ADCY2: variants seen among roughly 807,000 people sequenced by gnomAD.
The protein encoded by ADCY2 is adenylate cyclase type 2.
In ADCY2, 31 loss-of-function variants were observed where a neutral mutation model predicts 125.2. The ratio of observed to expected loss-of-function variants is 0.25; its 90% CI spans 0.19 to 0.33. ADCY2 has a LOEUF of 0.33. ADCY2 is among the 10% of genes least tolerant of loss of function. The pLI is 1.00. For missense variants in ADCY2, 904 were observed against 1,418.2 expected (o/e 0.64, Z 5.82); for synonymous variants, 512 against 548.4 (o/e 0.93, Z 0.93).
chr5:7,416,164 G>A (rs1739936588), intron 2 of ADCY2, among the ~76,000 whole-genome samples: 1 of 152,176 alleles, frequency 6.6e-6, no homozygotes, highest in Non-Finnish European at 1.5e-5. Context: ...TGGCCAGTGG[G>A]TTCTGTTGGT....
intron 14 of ADCY2, among the ~76,000 whole-genome samples, chr5:7,743,303 C>T (rs1412215433): frequency 2.6e-5 from 4 of 151,750 alleles, no homozygotes; most frequent in Non-Finnish European, 4.4e-5. Flanking sequence ...GTCCTTAAGG[C>T]GGCAGCTGCC....
chr5:7,709,462 C>A lies in ADCY2; in HGVS notation c.1578+75C>A. 6.9e-7 allele frequency: 1 copy of A among 1,442,212 alleles called. No homozygotes were observed. Among genetic ancestry groups the A allele is most frequent in the Admixed American group, 2.7e-5 (1 of 36,844 alleles). The allele number at this position is 1,442,212 out of a possible 1,614,324, so 89.3% of individuals were successfully genotyped here. A position where few individuals can be genotyped will look rare whatever the true frequency, so the allele number is the denominator to read the frequency against. On this transcript the variant is annotated intron_variant, in intron 10 of 24. Transcript: ENST00000338316. The surrounding 1 kb of genome is among the most constrained non-coding windows in gnomAD (Gnocchi z 4.4). ...TCCCAAAACCAAAGGCTGGGCATCT[C>A]CTGCCAAAATAACTCCTTTCTGTAA...
intron 4 of ADCY2, among the ~76,000 whole-genome samples, chr5:7,663,318 C>G (rs1489230702): frequency 1.3e-5 from 2 of 152,246 alleles, no homozygotes; most frequent in African/African-American, 4.8e-5. Flanking sequence ...GTGAAAAGCA[C>G]AATTCCAGGA....
At chr5:7,609,857 A>G (rs920199855) in intron 3 of ADCY2, among the ~76,000 whole-genome samples, 2 of 152,168 alleles carry the variant, frequency 1.3e-5, no homozygotes, top group Non-Finnish European at 1.5e-5. Context: ...AGCCCCTGAC[A>G]TACAAGCCAG....
intron 2 of ADCY2, among the ~76,000 whole-genome samples, chr5:7,444,878 A>G (rs1741178055): frequency 6.6e-6 from 1 of 152,136 alleles, no homozygotes; most frequent in African/African-American, 2.4e-5. Context: ...GCAGCTTTTC[A>G]TGTGTCCAAA....
chr5:7,676,177 T>C (rs1740120827), intron 4 of ADCY2, among the ~76,000 whole-genome samples: 2 of 152,228 alleles, frequency 1.3e-5, no homozygotes, highest in African/African-American at 2.4e-5. Flanking sequence ...CTGAGATTCA[T>C]CTACTGAATT....
At chr5:7,409,789 GTA>G (rs1348145591) in intron 1 of ADCY2, among the ~76,000 whole-genome samples, 6 of 152,254 alleles carry the variant, frequency 3.9e-5, no homozygotes, top group Admixed American at 1.3e-4. Context: ...TCTGCTCTTA[GTA>G]GATTAGTTTA....
At chr5:7,700,856 G>A (rs1741056292) in intron 7 of ADCY2, among the ~76,000 whole-genome samples, 1 of 151,936 alleles carries the variant, frequency 6.6e-6, no homozygotes, top group Non-Finnish European at 1.5e-5. Flanking sequence ...AAATGGGAGG[G>A]AAATGAAGTC....
chr5:7,407,586 C>A (rs1014983051), intron 1 of ADCY2, among the ~76,000 whole-genome samples: 1 of 152,080 alleles, frequency 6.6e-6, no homozygotes, highest in African/African-American at 2.4e-5. Flanking sequence ...CAAAGGGTGG[C>A]GAAAGGTGGT....
intron 2 of ADCY2, among the ~76,000 whole-genome samples, chr5:7,513,714 A>G (rs910220834): frequency 1.4e-4 from 22 of 152,324 alleles, no homozygotes; most frequent in African/African-American, 4.3e-4. Context: ...ACAATGAGAT[A>G]CAATGTATAA....
intron 17 of ADCY2, among the ~76,000 whole-genome samples, chr5:7,769,312 C>T (rs540578356): frequency 7.2e-5 from 11 of 151,858 alleles, no homozygotes; most frequent in East Asian, 1.9e-4. Context: ...TTGTAACACA[C>T]GATAAGGTTA....
At position 7,709,207 on chromosome 5, in the gene ADCY2, C is replaced by T. The variant is rs756359455; in HGVS notation, c.1402-4C>T. The T allele has an allele frequency of 1.9e-5, 31 of 1,604,884 alleles. 1 individual carries two copies. The South Asian group carries it at 3.2e-4, about 17-fold the overall frequency. On this transcript the variant is annotated splice_region_variant and splice_polypyrimidine_tract_variant and intron_variant, in intron 9 of 24. Transcript: ENST00000338316. This position sits in a 1 kb window ranked among gnomAD's most constrained non-coding sequence, Gnocchi z 4.4. ...AGGTGTGATGCTTTGTTTCTCACCC[C>T]AAGGGAGAACGACGGAGCCCCCAGC...
chr5:7,820,679 A>G lies in ADCY2; in HGVS notation c.3113A>G (p.Asp1038Gly). The G allele has an allele frequency of 6.2e-7, 1 of 1,613,654 alleles. No individual in the cohort carries two copies. Among genetic ancestry groups the G allele is most frequent in the Non-Finnish European group, 8.5e-7 (1 of 1,179,706 alleles). ...ASRMDSTGVL[D>G]KIQVTEETSL... is the part of the protein sequence containing the mutation. ...AGGATGGACAGCACCGGAGTCCTGGACAAAATACAGGTAATGCAGAGTGTG... is the reference window on the plus strand; with the variant it reads ...AGGATGGACAGCACCGGAGTCCTGGGCAAAATACAGGTAATGCAGAGTGTG... Residue 1038 changes from aspartate (D) to glycine (G), a missense_variant, in exon 24 of 25, where the codon GAC becomes GGC. Around this residue, in one of 7 missense-constraint regions of ADCY2, gnomAD observed 181 missense variants for 381.6 expected, o/e 0.47. Coordinates refer to ENST00000338316, the MANE Select transcript of ADCY2 (RefSeq NM_020546.3).
intron 15 of ADCY2, among the ~76,000 whole-genome samples, chr5:7,754,762 C>G (rs930202487): frequency 6.6e-6 from 1 of 151,556 alleles, no homozygotes; most frequent in African/African-American, 2.4e-5. Context: ...GAGGCTGAGA[C>G]AGGAGAATCG....
intron 2 of ADCY2, among the ~76,000 whole-genome samples, chr5:7,437,245 C>T (rs1475651039): frequency 6.6e-6 from 1 of 152,222 alleles, no homozygotes; most frequent in African/African-American, 2.4e-5. Context: ...TCAGCCCCCT[C>T]AAGCTACTAC....
At chr5:7,501,185 G>A (rs1743553335) in intron 2 of ADCY2, among the ~76,000 whole-genome samples, 1 of 150,754 alleles carries the variant, frequency 6.6e-6, no homozygotes, top group African/African-American at 2.4e-5. Flanking sequence ...TCCTGCTGAG[G>A]CTGTTGACAA....
chr5:7,484,212 T>C (rs1742841982), intron 2 of ADCY2, among the ~76,000 whole-genome samples: 3 of 152,220 alleles, frequency 2.0e-5, no homozygotes, highest in African/African-American at 7.2e-5. Context: ...TTATGGGTGC[T>C]TTGAGAGGTC....
chr5:7,441,078 C>A (rs367923384), intron 2 of ADCY2, among the ~76,000 whole-genome samples: 1 of 151,910 alleles, frequency 6.6e-6, no homozygotes, highest in African/African-American at 2.4e-5. Context: ...GAGGGCAGGA[C>A]GGTTTTGGAG....
chr5:7,553,636 AAGC>A (rs1389155329), intron 3 of ADCY2, among the ~76,000 whole-genome samples: 1 of 152,212 alleles, frequency 6.6e-6, no homozygotes, highest in Non-Finnish European at 1.5e-5. Context: ...CCCTGCAGAC[AAGC>A]ATGACATTGC....
Sources: allele counts gnomAD v4.1 joint callset (sites outside exome capture counted in the v4.1 genomes callset), GRCh38; gene constraint gnomAD v4.1.1; regional missense constraint gnomAD v4.1.1; non-coding constraint Gnocchi (gnomAD v3.1); transcripts MANE v1.5; gene names NCBI Gene and HGNC (gene_info 2026-07-23, HGNC 2026-07-21).